SLC71A2: variants seen among roughly 807,000 people sequenced by gnomAD.
The protein encoded by SLC71A2 is hippocampus abundant transcript-like 1.
chr9:94,444,937 C>G, the SLC71A2 span: 3 of 1,608,572 alleles, frequency 1.9e-6, no homozygotes, highest in Non-Finnish European at 2.6e-6. Context: ...CCTATGGGAC[C>G]CTGGGTGAGA....
the SLC71A2 span, among the ~76,000 whole-genome samples, chr9:94,431,294 C>T: frequency 1.3e-5 from 2 of 148,478 alleles, no homozygotes; most frequent in South Asian, 2.1e-4. Context: ...GCCTGGGCGA[C>T]GGAGCGAGAC....
chr9:94,403,900 G>A, the SLC71A2 span, among the ~76,000 whole-genome samples: 1 of 152,118 alleles, frequency 6.6e-6, no homozygotes. Context: ...TCATGTGTTG[G>A]GAACTTAATT....
the SLC71A2 span, among the ~76,000 whole-genome samples, chr9:94,397,023 G>A: frequency 6.6e-6 from 1 of 152,198 alleles, no homozygotes; most frequent in African/African-American, 2.4e-5. Context: ...ACCTGCCTCA[G>A]CCTCTCAAAG....
the SLC71A2 span, among the ~76,000 whole-genome samples, chr9:94,400,452 T>TG: frequency 6.6e-6 from 1 of 150,624 alleles, no homozygotes; most frequent in Non-Finnish European, 1.5e-5. Flanking sequence ...ATAATTTCTA[T>TG]GGGGAAATTG....
chr9:94,384,905 GT>G, the SLC71A2 span, among the ~76,000 whole-genome samples: 1 of 151,868 alleles, frequency 6.6e-6, no homozygotes, highest in Non-Finnish European at 1.5e-5. Context: ...AGTGAGTTTT[GT>G]TATCCTGGTA....
At chr9:94,390,830 GCA>G in the SLC71A2 span, among the ~76,000 whole-genome samples, 1 of 152,200 alleles carries the variant, frequency 6.6e-6, no homozygotes, top group Non-Finnish European at 1.5e-5. Context: ...TTGATGAAGA[GCA>G]CAGTCTCTAG....
chr9:94,375,557 T>G, the SLC71A2 span, among the ~76,000 whole-genome samples: 1 of 152,156 alleles, frequency 6.6e-6, no homozygotes, highest in South Asian at 2.1e-4. Flanking sequence ...GTGTCAGTGG[T>G]TTCATATGGT....
the SLC71A2 span, among the ~76,000 whole-genome samples, chr9:94,454,719 C>T: frequency 6.6e-6 from 1 of 151,676 alleles, no homozygotes; most frequent in Non-Finnish European, 1.5e-5. Context: ...CAAGAAGATA[C>T]AAAAAAAATG....
the SLC71A2 span, chr9:94,446,804 T>G: frequency 7.5e-7 from 1 of 1,331,420 alleles, no homozygotes; most frequent in Non-Finnish European, 1.1e-6. Context: ...TTAAGTGTGT[T>G]CTTTCTGCTT....
At chr9:94,431,367 TC>T in the SLC71A2 span, among the ~76,000 whole-genome samples, 4 of 151,966 alleles carry the variant, frequency 2.6e-5, no homozygotes, top group Non-Finnish European at 4.4e-5. Context: ...CCATTGTAGT[TC>T]GTTATTTTCA....
the SLC71A2 span, among the ~76,000 whole-genome samples, chr9:94,424,130 C>T: frequency 6.6e-6 from 1 of 152,120 alleles, no homozygotes. Context: ...ATAAATGAGA[C>T]AACCGTCCAT....
chr9:94,436,960 T>TA, the SLC71A2 span, among the ~76,000 whole-genome samples: 1 of 152,160 alleles, frequency 6.6e-6, no homozygotes, highest in African/African-American at 2.4e-5. Context: ...GTAGAGAAGA[T>TA]AGACAAATAA....
At chr9:94,460,886 C>T in the SLC71A2 span, 1 of 151,994 alleles carries the variant, frequency 6.6e-6, no homozygotes, top group African/African-American at 2.4e-5. Context: ...GGTTAAGCTT[C>T]CTAATGCATA....
chr9:94,384,730 C>T, the SLC71A2 span, among the ~76,000 whole-genome samples: 1 of 152,102 alleles, frequency 6.6e-6, no homozygotes, highest in East Asian at 1.9e-4. Flanking sequence ...TATTAACTCC[C>T]TGCTATGGTG....
chr9:94,397,546 A>G, the SLC71A2 span, among the ~76,000 whole-genome samples: 1 of 152,044 alleles, frequency 6.6e-6, no homozygotes, highest in Non-Finnish European at 1.5e-5. Flanking sequence ...AAGTCCATAC[A>G]TACTTTACTG....
At chr9:94,460,944 C>CAAAT in the SLC71A2 span, 1 of 151,278 alleles carries the variant, frequency 6.6e-6, no homozygotes, top group African/African-American at 2.4e-5. Context: ...TTTTTTAAAG[C>CAAAT]AAATAGTATT....
the SLC71A2 span, among the ~76,000 whole-genome samples, chr9:94,416,784 G>GT: frequency 2.0e-5 from 3 of 151,854 alleles, no homozygotes; most frequent in Non-Finnish European, 4.4e-5. Flanking sequence ...GACCCAGAAG[G>GT]TGGAGGTTGC....
the SLC71A2 span, among the ~76,000 whole-genome samples, chr9:94,437,448 ACTTC>A: frequency 1.3e-5 from 2 of 151,626 alleles, no homozygotes; most frequent in Non-Finnish European, 2.9e-5. Context: ...GAGTTCCTTG[ACTTC>A]CTTTGCTTCT....
At chr9:94,455,143 C>A in the SLC71A2 span, among the ~76,000 whole-genome samples, 4 of 124,972 alleles carry the variant, frequency 3.2e-5, no homozygotes, top group African/African-American at 1.3e-4. Context: ...TCATTTGATC[C>A]GCTTGCTCTT....
Sources: gnomAD v4.1 joint callset for allele counts (sites outside exome capture counted in the v4.1 genomes callset) on GRCh38, gnomAD v4.1.1 for gene constraint, MANE v1.5 for transcripts, NCBI Gene and HGNC (gene_info 2026-07-23, HGNC 2026-07-21) for gene names.